Variants in NDST4 observed in about 807,000 individuals in gnomAD.
The protein encoded by NDST4 is N-deacetylase and N-sulfotransferase 4, also known as N-heparan sulfate sulfotransferase 4.
In NDST4, 63 loss-of-function variants were observed where a neutral mutation model predicts 100.8. The ratio of observed to expected loss-of-function variants is 0.62; its 90% CI spans 0.51 to 0.77. The LOEUF (loss-of-function observed/expected upper bound fraction) is 0.77. Among genes scored for constraint, NDST4 ranks in the 30% least tolerant of loss-of-function variants. NDST4 has a pLI of 0.00. For missense variants in NDST4, 943 were observed against 1,018.4 expected (o/e 0.93, Z 1.01); for synonymous variants, 377 against 361.8 (o/e 1.04, Z -0.48).
chr4:114,934,086 A>G (rs145422077), intron 6 of NDST4, among the ~76,000 whole-genome samples: 16 of 152,330 alleles, frequency 1.1e-4, no homozygotes, highest in Non-Finnish European at 2.4e-4. Context: ...CATGGAATCA[A>G]TCTATGTGTC....
chr4:114,839,580 T>C (rs1042652177), intron 10 of NDST4, 32 bp from the exon 11 acceptor site: 2 of 1,599,920 alleles, frequency 1.3e-6, no homozygotes, highest in Non-Finnish European at 1.7e-6. Flanking sequence ...TAAAGTTAGA[T>C]TTTTTTTAAT....
At chr4:114,937,279 T>C in intron 5 of NDST4, 39 bp downstream of exon 5, 2 of 1,606,758 alleles carry the variant, frequency 1.2e-6, no homozygotes, top group Non-Finnish European at 1.7e-6. Context: ...CACATGTAAA[T>C]ATTAACATCC....
intron 1 of NDST4, among the ~76,000 whole-genome samples, chr4:115,081,219 C>T (rs1729295986): frequency 6.6e-6 from 1 of 152,062 alleles, no homozygotes. Flanking sequence ...CATATTACCA[C>T]CATGGAAGAC....
intron 6 of NDST4, among the ~76,000 whole-genome samples, chr4:114,894,954 G>C (rs1172330209): frequency 6.6e-6 from 1 of 151,930 alleles, no homozygotes; most frequent in Non-Finnish European, 1.5e-5. Flanking sequence ...ACATGAAGGG[G>C]TGTTGAATTT....
At chr4:115,045,132 A>G (rs888206422) in intron 2 of NDST4, among the ~76,000 whole-genome samples, 6 of 152,108 alleles carry the variant, frequency 3.9e-5, no homozygotes, top group Admixed American at 2.6e-4. Flanking sequence ...ATCCACAAAA[A>G]TAAGACCTCA....
chr4:114,937,206 G>T, intron 5 of NDST4, 112 bp downstream of exon 5: 1 of 1,070,682 alleles, frequency 9.3e-7, no homozygotes, highest in Non-Finnish European at 1.4e-6. Context: ...AGGTATTTCT[G>T]ATAATCATGT....
chr4:114,905,134 C>CTTTTT (rs570520427), intron 6 of NDST4, among the ~76,000 whole-genome samples: 1 of 142,168 alleles, frequency 7.0e-6, no homozygotes, highest in Non-Finnish European at 1.6e-5. Flanking sequence ...AAAATTCTTC[C>CTTTTT]TTTTTTTTTT....
rs187184687 is a variant in NDST4, at chr4:114,902,943, A to G, written c.1537-31993T>C. ...ATTTTTCTTAGAATTTCCATCTCTT[A>G]TATTCTACAACATTACATCTATTTA... On this transcript the variant is annotated intron_variant, in intron 6 of 13. Transcript: ENST00000264363. 5.9e-5 allele frequency among the ~76,000 whole-genome samples: 9 copies of G among 152,114 alleles called. No homozygotes were observed. The East Asian group carries it at 1.7e-3, about 29-fold the overall frequency.
intron 2 of NDST4, among the ~76,000 whole-genome samples, chr4:115,059,242 AT>A (rs1290354576): frequency 6.6e-6 from 1 of 152,038 alleles, no homozygotes; most frequent in Non-Finnish European, 1.5e-5. Context: ...TTAGAAATGG[AT>A]TGGAAGGGAC....
At chr4:115,000,942 G>T (rs1727277438) in intron 2 of NDST4, among the ~76,000 whole-genome samples, 1 of 152,066 alleles carries the variant, frequency 6.6e-6, no homozygotes, top group Non-Finnish European at 1.5e-5. Context: ...TCTTCTATGT[G>T]TGGCCTCACA....
chr4:115,110,648 T>TG (rs1729935063), intron 1 of NDST4, among the ~76,000 whole-genome samples: 1 of 151,966 alleles, frequency 6.6e-6, no homozygotes, highest in Admixed American at 6.6e-5. Flanking sequence ...CATGGTTAGA[T>TG]GATGCATCTC....
At chr4:114,877,110 G>A (rs1277936981) in intron 6 of NDST4, among the ~76,000 whole-genome samples, 2 of 152,036 alleles carry the variant, frequency 1.3e-5, no homozygotes, top group Non-Finnish European at 2.9e-5. Context: ...GCAAGCCTGG[G>A]CATAGGAATT....
intron 1 of NDST4, among the ~76,000 whole-genome samples, chr4:115,091,315 A>G (rs1340423001): frequency 6.6e-6 from 1 of 152,146 alleles, no homozygotes; most frequent in Non-Finnish European, 1.5e-5. Context: ...ACAAGAAATG[A>G]CAAAATTTCT....
intron 2 of NDST4, among the ~76,000 whole-genome samples, chr4:115,022,991 T>TA (rs200720177): frequency 0.015 from 2,356 of 152,278 alleles, 27 homozygotes; most frequent in Non-Finnish European, 0.024. Context: ...AACAGACTGA[T>TA]ACGCCAAACA....
At chr4:115,023,255 G>A (rs1015839044) in intron 2 of NDST4, among the ~76,000 whole-genome samples, 2 of 152,108 alleles carry the variant, frequency 1.3e-5, no homozygotes, top group African/African-American at 4.8e-5. Flanking sequence ...GGAGGCCAAG[G>A]CAGGCAGATC....
chr4:114,950,365 T>A (rs1387478560), intron 4 of NDST4, among the ~76,000 whole-genome samples: 1 of 152,064 alleles, frequency 6.6e-6, no homozygotes, highest in Admixed American at 6.6e-5. Context: ...TCACCTATAG[T>A]AACTGATGAA....
chr4:114,924,413 T>C (rs1461421901), intron 6 of NDST4, among the ~76,000 whole-genome samples: 1 of 149,650 alleles, frequency 6.7e-6, no homozygotes, highest in Non-Finnish European at 1.5e-5. Context: ...TAAAGGTTAG[T>C]CCTGCAAATC....
chr4:114,868,426 G>T (rs1181493696), intron 7 of NDST4, among the ~76,000 whole-genome samples: 1 of 151,946 alleles, frequency 6.6e-6, no homozygotes, highest in Non-Finnish European at 1.5e-5. Flanking sequence ...TAACCACCAG[G>T]GAAGTGAACT....
intron 3 of NDST4, among the ~76,000 whole-genome samples, chr4:114,976,733 T>C (rs1461553162): frequency 6.6e-6 from 1 of 151,960 alleles, no homozygotes; most frequent in Admixed American, 6.6e-5. Context: ...TTAGAGTCTA[T>C]TACATTTCAT....
Sources: allele counts gnomAD v4.1 joint callset (sites outside exome capture counted in the v4.1 genomes callset), GRCh38; gene constraint gnomAD v4.1.1; transcripts MANE v1.5; gene names NCBI Gene and HGNC (gene_info 2026-07-23, HGNC 2026-07-21).